Variants in FOXP1 observed in about 807,000 individuals in gnomAD.
FOXP1 encodes the protein forkhead box P1, also known as forkhead box protein P1.
Under a neutral mutation model 98.2 loss-of-function variants are expected in FOXP1, and 15 were observed. The observed-to-expected ratio is 0.15, with a 90% confidence interval of 0.10 to 0.24. The LOEUF (loss-of-function observed/expected upper bound fraction) is 0.24, where lower values mean the gene tolerates loss of function less well. Ranked by LOEUF, FOXP1 falls within the 10% of genes least tolerant of loss-of-function variation. FOXP1 has a pLI of 1.00. For missense variants in FOXP1, 633 were observed against 848.5 expected (o/e 0.75, Z 3.15); for synonymous variants, 371 against 314.5 (o/e 1.18, Z -1.90).
At chr3:71,050,854 CATTA>C (rs1405369973) in intron 9 of FOXP1, among the ~76,000 whole-genome samples, 1 of 152,176 alleles carries the variant, frequency 6.6e-6, no homozygotes, top group African/African-American at 2.4e-5. Flanking sequence ...GCTCGCAGTT[CATTA>C]ATTAGAGAGT....
intron 7 of FOXP1, among the ~76,000 whole-genome samples, chr3:71,089,453 G>A (rs2055544428): frequency 6.6e-6 from 1 of 152,152 alleles, no homozygotes. Flanking sequence ...ACCCAGCTAA[G>A]CCACTCCCCT....
chr3:71,010,377 C>G (rs1332105588), intron 12 of FOXP1, among the ~76,000 whole-genome samples: 1 of 152,146 alleles, frequency 6.6e-6, no homozygotes, highest in Non-Finnish European at 1.5e-5. Flanking sequence ...TTTAACCTCT[C>G]TGGGCATTAG....
At position 70,958,634 on chromosome 3, in the gene FOXP1, A is replaced by G; in HGVS notation, c.*613T>C. The G allele has an allele frequency of 2.2e-5, 4 of 185,246 alleles. No homozygotes were observed. The highest frequency in any genetic ancestry group is 2.2e-5 in the Non-Finnish European group (2 of 91,094). 11.5% of individuals were successfully genotyped at this position (185,246 alleles called of 1,614,324 possible). ...ACTTAAAATGGTATAGTAGAAGGAA[A>G]AAAAAAAAAAAAAAAAGCAATACAT... On this transcript the variant is annotated 3_prime_UTR_variant, in exon 21 of 21. Coordinates refer to ENST00000649528, the MANE Select transcript of FOXP1 (RefSeq NM_001349338.3).
At chr3:71,305,996 G>A (rs2074246356) in intron 4 of FOXP1, 2 of 152,578 alleles carry the variant, frequency 1.3e-5, no homozygotes, top group Non-Finnish European at 2.9e-5. Flanking sequence ...TGGCTCTCAG[G>A]GCTCCCAGGC....
chr3:71,313,351 GC>G (rs2074839911), intron 4 of FOXP1, among the ~76,000 whole-genome samples: 2 of 151,838 alleles, frequency 1.3e-5, no homozygotes, highest in African/African-American at 4.8e-5. Flanking sequence ...GAGCCACTGC[GC>G]CCGGCCAAGC....
At chr3:71,395,657 A>G (rs2081327793) in intron 3 of FOXP1, among the ~76,000 whole-genome samples, 1 of 152,122 alleles carries the variant, frequency 6.6e-6, no homozygotes, top group Non-Finnish European at 1.5e-5. Context: ...GAATACCAGC[A>G]ACACAACAGC....
chr3:71,025,341 G>A (rs1018769672), intron 11 of FOXP1, among the ~76,000 whole-genome samples: 4 of 152,028 alleles, frequency 2.6e-5, no homozygotes, highest in African/African-American at 9.7e-5. Context: ...GTGGGGTGGC[G>A]CACGACTATG....
At chr3:71,059,764 G>A (rs759682585) in intron 7 of FOXP1, among the ~76,000 whole-genome samples, 5 of 152,168 alleles carry the variant, frequency 3.3e-5, no homozygotes, top group Admixed American at 3.3e-4. Flanking sequence ...GGGAGGAGGG[G>A]AGGACTATTC....
chr3:71,088,633 A>G (rs984451686), intron 7 of FOXP1, among the ~76,000 whole-genome samples: 2 of 152,182 alleles, frequency 1.3e-5, no homozygotes, highest in Non-Finnish European at 2.9e-5. Context: ...TATTTATGGG[A>G]AAGGTACTAA....
chr3:71,322,995 G>T (rs1387039550), intron 4 of FOXP1, among the ~76,000 whole-genome samples: 1 of 149,964 alleles, frequency 6.7e-6, no homozygotes, highest in Non-Finnish European at 1.5e-5. Context: ...TTTTGAGATG[G>T]AGTCTTGCTC....
At chr3:71,244,796 A>G (rs1264453622) in intron 5 of FOXP1, 1 of 152,084 alleles carries the variant, frequency 6.6e-6, no homozygotes, top group Non-Finnish European at 1.5e-5. Flanking sequence ...CAATGTCTAT[A>G]TCACTGATGA....
At chr3:71,042,664 A>G (rs925206174) in intron 10 of FOXP1, among the ~76,000 whole-genome samples, 6 of 152,212 alleles carry the variant, frequency 3.9e-5, no homozygotes, top group African/African-American at 1.2e-4. Flanking sequence ...GCCATCCCAG[A>G]AAGCCTGCCA....
At chr3:71,276,463 G>A (rs192552246) in intron 5 of FOXP1, 2 of 152,124 alleles carry the variant, frequency 1.3e-5, no homozygotes, top group African/African-American at 4.8e-5. Flanking sequence ...CTCTCAACAC[G>A]CTACTCACTC....
intron 7 of FOXP1, among the ~76,000 whole-genome samples, chr3:71,081,918 C>T (rs987444729): frequency 7.9e-5 from 12 of 152,346 alleles, no homozygotes; most frequent in South Asian, 4.1e-4. Context: ...AACATATTAT[C>T]CACATTTGAA....
At chr3:71,194,968 A>G (rs1042115976) in intron 6 of FOXP1, among the ~76,000 whole-genome samples, 12 of 152,128 alleles carry the variant, frequency 7.9e-5, no homozygotes, top group Non-Finnish European at 1.3e-4. Flanking sequence ...TCTACCTTCC[A>G]GCCCAGAATC....
At chr3:71,031,541 ATC>A (rs1264760861) in intron 11 of FOXP1, among the ~76,000 whole-genome samples, 1 of 152,118 alleles carries the variant, frequency 6.6e-6, no homozygotes, top group Non-Finnish European at 1.5e-5. Context: ...GCACTGGGAA[ATC>A]TCTGTTTTCT....
At chr3:71,135,681 A>G (rs2059788812) in intron 6 of FOXP1, among the ~76,000 whole-genome samples, 1 of 152,182 alleles carries the variant, frequency 6.6e-6, no homozygotes. Context: ...AAACTGTGAA[A>G]AGTTTAACTC....
chr3:71,256,555 TTTA>T (rs1046177064), intron 5 of FOXP1, among the ~76,000 whole-genome samples: 1 of 152,122 alleles, frequency 6.6e-6, no homozygotes, highest in African/African-American at 2.4e-5. Flanking sequence ...AGCTAATTTT[TTTA>T]TTTTTAGTAG....
chr3:71,012,376 A>C (rs1039765009), intron 12 of FOXP1, among the ~76,000 whole-genome samples: 2 of 152,234 alleles, frequency 1.3e-5, no homozygotes, highest in African/African-American at 4.8e-5. Flanking sequence ...ATTTCTAAAC[A>C]AAACAAAACC....
Sources: allele counts gnomAD v4.1 joint callset (sites outside exome capture counted in the v4.1 genomes callset), GRCh38; gene constraint gnomAD v4.1.1; transcripts MANE v1.5; gene names NCBI Gene and HGNC (gene_info 2026-07-23, HGNC 2026-07-21).